Variants in GNB4 observed in about 807,000 individuals in gnomAD.
GNB4 encodes the protein G protein subunit beta 4.
In GNB4, 28 loss-of-function variants were observed where a neutral mutation model predicts 45.2. The observed-to-expected ratio is 0.62, with a 90% CI of 0.46 to 0.85. The LOEUF (loss-of-function observed/expected upper bound fraction) is 0.85, where lower values mean the gene tolerates loss of function less well. Ranked by LOEUF, GNB4 falls within the 40% of genes least tolerant of loss-of-function variation. The probability of loss-of-function intolerance (pLI) is 0.00; values close to 1 mark genes in which losing one functional copy is unlikely to be tolerated. For missense variants in GNB4, 321 were observed against 425.4 expected, an observed-to-expected ratio of 0.75 and a Z score of 2.16; for synonymous variants, 132 against 143.7, an observed-to-expected ratio of 0.92 and a Z score of 0.58.
At chr3:179,469,272 A>C in the GNB4 span, among the ~76,000 whole-genome samples, 4 of 152,194 alleles carry the variant, frequency 2.6e-5, no homozygotes, top group Non-Finnish European at 4.4e-5. Context: ...AACCTTTGCA[A>C]AATAAACTTC....
chr3:179,434,184 CTTA>C (rs554350872), intron 1 of GNB4, among the ~76,000 whole-genome samples: 165 of 152,254 alleles, frequency 1.1e-3, no homozygotes, highest in Non-Finnish European at 1.7e-3. Context: ...TACAGCACTA[CTTA>C]TAATAACAAT....
chr3:179,458,236 A>G, the GNB4 span, among the ~76,000 whole-genome samples: 1 of 152,152 alleles, frequency 6.6e-6, no homozygotes, highest in Non-Finnish European at 1.5e-5. Flanking sequence ...GGGGAGGGGC[A>G]GGGGAGTTGC....
At chr3:179,439,708 G>C (rs1231334264) in intron 1 of GNB4, among the ~76,000 whole-genome samples, 1 of 150,978 alleles carries the variant, frequency 6.6e-6, no homozygotes, top group Admixed American at 6.6e-5. Context: ...ATACAGATTC[G>C]CTGATTCAGA....
chr3:179,450,528 C>G (rs1715841234), intron 1 of GNB4, among the ~76,000 whole-genome samples: 1 of 152,048 alleles, frequency 6.6e-6, no homozygotes, highest in Non-Finnish European at 1.5e-5. Flanking sequence ...TTGTCGGTGG[C>G]TGAGAGGGAG....
chr3:179,466,079 C>T, the GNB4 span, among the ~76,000 whole-genome samples: 1 of 138,756 alleles, frequency 7.2e-6, no homozygotes, highest in African/African-American at 2.6e-5. Flanking sequence ...GGCGTGATCT[C>T]GGGTCACTGC....
the GNB4 span, among the ~76,000 whole-genome samples, chr3:179,522,512 A>AT: frequency 6.9e-6 from 1 of 144,856 alleles, no homozygotes; most frequent in African/African-American, 2.9e-5. Context: ...CAGTATAAAT[A>AT]TTGACACGTA....
the GNB4 span, among the ~76,000 whole-genome samples, chr3:179,496,369 C>T: frequency 2.0e-4 from 31 of 151,728 alleles, no homozygotes; most frequent in Middle Eastern, 6.8e-3. Flanking sequence ...AAAAACAAAA[C>T]GAAAACAAGC....
chr3:179,493,073 A>G, the GNB4 span, among the ~76,000 whole-genome samples: 3 of 152,242 alleles, frequency 2.0e-5, no homozygotes, highest in Admixed American at 6.5e-5. Context: ...CACAGTTAAA[A>G]GACTGTTTCC....
chr3:179,406,490 A>G (rs957332987), intron 8 of GNB4, among the ~76,000 whole-genome samples: 2 of 152,176 alleles, frequency 1.3e-5, no homozygotes, highest in African/African-American at 4.8e-5. Context: ...CTATTGTGAA[A>G]AAGTGTGAGG....
At chr3:179,519,795 C>G in the GNB4 span, among the ~76,000 whole-genome samples, 3 of 152,156 alleles carry the variant, frequency 2.0e-5, no homozygotes, top group Admixed American at 6.5e-5. Flanking sequence ...CGATCATGCA[C>G]CCCTCACCAT....
chr3:179,409,734 T>C (rs973839555), intron 8 of GNB4, among the ~76,000 whole-genome samples: 11 of 147,630 alleles, frequency 7.5e-5, no homozygotes, highest in African/African-American at 2.0e-4. Context: ...TGCTTGAAAC[T>C]GGGAGGCAGA....
the GNB4 span, among the ~76,000 whole-genome samples, chr3:179,461,000 C>A: frequency 6.6e-6 from 1 of 152,074 alleles, no homozygotes; most frequent in Non-Finnish European, 1.5e-5. Flanking sequence ...TTACTTTTTG[C>A]CAGATTTCTT....
rs1462137034 is a variant in GNB4 at position 179,400,519 on chromosome 3, TAATTATA to T, written c.*687_*693del. On this transcript the variant is annotated 3_prime_UTR_variant, in exon 10 of 10. Transcript: ENST00000232564. Reference sequence around the variant, plus strand: ...TTATATGCTATTACCTACTTTTTATTAATTATAATGATGTTTCTTATGTATGTCCAAA... The same window carrying T: ...TTATATGCTATTACCTACTTTTTATTATGATGTTTCTTATGTATGTCCAAA... 35 of 152,200 alleles carry T rather than the reference TAATTATA, an allele frequency of 2.3e-4. No individual in the cohort carries two copies. The highest frequency in any genetic ancestry group is 7.7e-4 in the African/African-American group (32 of 41,418). 9.4% of individuals were successfully genotyped at this position (152,200 alleles called of 1,614,324 possible).
chr3:179,430,071 GAGACAGACAGACAGAC>G (rs3086948), intron 1 of GNB4, among the ~76,000 whole-genome samples: 122 of 142,364 alleles, frequency 8.6e-4, no homozygotes, highest in Admixed American at 1.9e-3. Context: ...GACTGAGAGA[GAGACAGACAGACAGAC>G]AGACAGACAG....
At chr3:179,460,933 G>C in the GNB4 span, among the ~76,000 whole-genome samples, 2 of 152,300 alleles carry the variant, frequency 1.3e-5, no homozygotes, top group South Asian at 2.1e-4. Context: ...AGGAAATACA[G>C]ATGTTTAAAT....
At chr3:179,518,476 T>A in the GNB4 span, among the ~76,000 whole-genome samples, 1 of 152,090 alleles carries the variant, frequency 6.6e-6, no homozygotes, top group African/African-American at 2.4e-5. Context: ...TGAATCTTCC[T>A]TTTCTACAGA....
the GNB4 span, among the ~76,000 whole-genome samples, chr3:179,500,483 T>TAGTAC: frequency 6.6e-6 from 1 of 152,246 alleles, no homozygotes; most frequent in Non-Finnish European, 1.5e-5. Flanking sequence ...TTTGTTACTG[T>TAGTAC]AGCCTTGTAG....
the GNB4 span, among the ~76,000 whole-genome samples, chr3:179,510,434 G>A: frequency 6.6e-6 from 1 of 152,036 alleles, no homozygotes; most frequent in African/African-American, 2.4e-5. Context: ...CTCCCTGCTG[G>A]CTTCCTGTCT....
chr3:179,442,890 G>A (rs1715627748), intron 1 of GNB4, among the ~76,000 whole-genome samples: 1 of 152,110 alleles, frequency 6.6e-6, no homozygotes, highest in Non-Finnish European at 1.5e-5. Flanking sequence ...TCAGCCTCCT[G>A]AGTAGCTGGG....
Sources: gnomAD v4.1 joint callset for allele counts (sites outside exome capture counted in the v4.1 genomes callset) on GRCh38, gnomAD v4.1.1 for gene constraint, MANE v1.5 for transcripts, NCBI Gene and HGNC (gene_info 2026-07-23, HGNC 2026-07-21) for gene names.